The following DLG2 variants were observed in gnomAD, a reference collection of about 807,000 sequenced individuals.
The protein encoded by DLG2 is disks large homolog 2.
DLG2 carries 45 observed loss-of-function variants against 132.5 expected under a neutral mutation model. The ratio of observed to expected loss-of-function variants is 0.34; its 90% confidence interval spans 0.27 to 0.44. The LOEUF is 0.44. Ranked by LOEUF, DLG2 falls within the 20% of genes least tolerant of loss-of-function variation. The pLI is 1.00. For missense variants in DLG2, 1,045 were observed against 1,196.9 expected, an observed-to-expected ratio of 0.87 and a Z score of 1.87; for synonymous variants, 424 against 419.6, an observed-to-expected ratio of 1.01 and a Z score of -0.13.
chr11:84,319,266 G>A (rs1418453987), intron 7 of DLG2, among the ~76,000 whole-genome samples: 1 of 151,752 alleles, frequency 6.6e-6, no homozygotes, highest in Admixed American at 6.6e-5. Context: ...AAGAACTGTT[G>A]GGTCGAAGAA....
intron 19 of DLG2, among the ~76,000 whole-genome samples, chr11:83,618,869 C>T (rs1003229281): frequency 6.6e-6 from 1 of 152,208 alleles, no homozygotes; most frequent in African/African-American, 2.4e-5. Context: ...CTATTTCCTA[C>T]CCTCTGCATA....
intron 6 of DLG2, among the ~76,000 whole-genome samples, chr11:84,697,920 A>C (rs1004448577): frequency 6.6e-6 from 1 of 151,516 alleles, no homozygotes; most frequent in Non-Finnish European, 1.5e-5. Flanking sequence ...ATAAAAAGTA[A>C]TGTGTTTAGT....
chr11:83,467,323 C>A (rs1291480841), intron 25 of DLG2, among the ~76,000 whole-genome samples: 1 of 152,266 alleles, frequency 6.6e-6, no homozygotes, highest in Non-Finnish European at 1.5e-5. Flanking sequence ...AAAATAGACA[C>A]CTCATTGTCT....
intron 3 of DLG2, among the ~76,000 whole-genome samples, chr11:85,528,903 T>G (rs2153189340): frequency 6.6e-6 from 1 of 152,220 alleles, no homozygotes; most frequent in African/African-American, 2.4e-5. Flanking sequence ...AATACAGAGG[T>G]GTGCCTATAC....
intron 4 of DLG2, among the ~76,000 whole-genome samples, chr11:85,271,716 C>T (rs1195584241): frequency 6.6e-6 from 1 of 152,232 alleles, no homozygotes; most frequent in Non-Finnish European, 1.5e-5. Context: ...GACTGCACTG[C>T]TGGCTTTCAG....
At chr11:83,995,853 C>T (rs190646883) in intron 11 of DLG2, among the ~76,000 whole-genome samples, 1 of 152,098 alleles carries the variant, frequency 6.6e-6, no homozygotes, top group African/African-American at 2.4e-5. Context: ...AAATCTAAGA[C>T]CTGAAACCAT....
At chr11:85,604,193 T>C (rs2080359420) in intron 2 of DLG2, among the ~76,000 whole-genome samples, 1 of 152,220 alleles carries the variant, frequency 6.6e-6, no homozygotes, top group South Asian at 2.1e-4. Flanking sequence ...AATGCTAAAA[T>C]ATTTTTAAAA....
chr11:83,753,822 TTC>T (rs2093476240), intron 18 of DLG2, among the ~76,000 whole-genome samples: 1 of 39,182 alleles, frequency 2.6e-5, no homozygotes, highest in African/African-American at 1.4e-4. Flanking sequence ...ATATATATAT[TTC>T]ATATATATAT....
intron 5 of DLG2, among the ~76,000 whole-genome samples, chr11:85,144,706 A>T (rs928239081): frequency 6.6e-6 from 1 of 151,110 alleles, no homozygotes; most frequent in African/African-American, 2.4e-5. Flanking sequence ...GAGAAAACTT[A>T]AAAAAAAACT....
intron 4 of DLG2, among the ~76,000 whole-genome samples, chr11:85,199,657 T>C (rs1376718026): frequency 1.3e-5 from 2 of 152,222 alleles, no homozygotes; most frequent in Non-Finnish European, 2.9e-5. Flanking sequence ...AGTTGACCTC[T>C]CTTTGGAAAG....
chr11:85,179,989 C>T (rs1242241058), intron 4 of DLG2, among the ~76,000 whole-genome samples: 2 of 151,872 alleles, frequency 1.3e-5, no homozygotes, highest in East Asian at 3.9e-4. Context: ...CTGTGATTTA[C>T]ACCAGGTAGG....
chr11:84,780,364 A>G (rs1479851700), intron 6 of DLG2, among the ~76,000 whole-genome samples: 43 of 152,132 alleles, frequency 2.8e-4, no homozygotes, highest in Admixed American at 2.8e-3. Flanking sequence ...AACTATACAT[A>G]GAAGCAACAT....
At chr11:83,554,263 C>T (rs1281826357) in intron 19 of DLG2, among the ~76,000 whole-genome samples, 1 of 152,102 alleles carries the variant, frequency 6.6e-6, no homozygotes, top group African/African-American at 2.4e-5. Flanking sequence ...TCCATACATC[C>T]ACTCATTAAT....
chr11:84,645,220 T>C (rs1470160280), intron 6 of DLG2, among the ~76,000 whole-genome samples: 2 of 152,198 alleles, frequency 1.3e-5, no homozygotes, highest in Admixed American at 6.5e-5. Context: ...GGGCAAACTA[T>C]TGAACGTCTC....
chr11:85,412,998 A>C (rs1482815268), intron 3 of DLG2, among the ~76,000 whole-genome samples: 1 of 151,882 alleles, frequency 6.6e-6, no homozygotes, highest in Non-Finnish European at 1.5e-5. Flanking sequence ...ACTGTTTTCC[A>C]TAGTGGTTGT....
intron 3 of DLG2, among the ~76,000 whole-genome samples, chr11:85,389,744 G>A (rs909859137): frequency 1.3e-5 from 2 of 152,066 alleles, no homozygotes; most frequent in Admixed American, 1.3e-4. Context: ...CAAGAATTTT[G>A]TATATCCAGA....
chr11:85,263,940 C>A (rs1032225662), intron 4 of DLG2, among the ~76,000 whole-genome samples: 1 of 152,166 alleles, frequency 6.6e-6, no homozygotes, highest in Non-Finnish European at 1.5e-5. Context: ...AAACAACAGG[C>A]ATCACAGCAG....
At chr11:84,168,810 A>AACACAC (rs763826829) in intron 8 of DLG2, among the ~76,000 whole-genome samples, 1,460 of 115,850 alleles carry the variant, frequency 0.013, 9 homozygotes, top group Non-Finnish European at 0.02. Context: ...ACAGCAAATC[A>AACACAC]ACACACACAC....
chr11:84,703,857 G>GAGATATAT (rs1555174775), intron 6 of DLG2, among the ~76,000 whole-genome samples: 20 of 102,694 alleles, frequency 1.9e-4, no homozygotes, highest in Non-Finnish European at 3.6e-4. Context: ...ATGTAGTGAA[G>GAGATATAT]ATATATATAT....
Sources: allele counts gnomAD v4.1 joint callset (sites outside exome capture counted in the v4.1 genomes callset), GRCh38; gene constraint gnomAD v4.1.1; transcripts MANE v1.5; gene names NCBI Gene and HGNC (gene_info 2026-07-23, HGNC 2026-07-21).